FGF14: variants seen among roughly 807,000 people sequenced by gnomAD.
FGF14 encodes fibroblast growth factor 14, also known as fibroblast growth factor homologous factor 4.
Under a neutral mutation model 25.5 loss-of-function variants are expected in FGF14, and 5 were observed. That is an observed-to-expected ratio of 0.20 (90% CI 0.10 to 0.41). The LOEUF is 0.41. Among genes scored for constraint, FGF14 ranks in the 10% least tolerant of loss-of-function variants. FGF14 has a pLI of 1.00. For missense variants in FGF14, 222 were observed against 320.1 expected, an observed-to-expected ratio of 0.69 and a Z score of 2.34; for synonymous variants, 138 against 118.3, an observed-to-expected ratio of 1.17 and a Z score of -1.08.
At chr13:102,327,715 C>G (rs373535256) in intron 1 of FGF14, among the ~76,000 whole-genome samples, 6 of 151,600 alleles carry the variant, frequency 4.0e-5, no homozygotes, top group African/African-American at 1.2e-4. Flanking sequence ...AGTGCATGCC[C>G]GTGGCCCCAG....
At chr13:101,850,965 C>T (rs568325304) in intron 3 of FGF14, among the ~76,000 whole-genome samples, 6 of 151,902 alleles carry the variant, frequency 3.9e-5, no homozygotes, top group African/African-American at 1.4e-4. Context: ...AAATAAGATG[C>T]GCATTATGGA....
At chr13:102,275,234 T>TTCTCTTTCTCTCTCTCTCTCTC (rs1249330049) in intron 1 of FGF14, among the ~76,000 whole-genome samples, 1 of 67,448 alleles carries the variant, frequency 1.5e-5, no homozygotes, top group African/African-American at 6.4e-5. Context: ...TTAGGCAGAT[T>TTCTCTTTCTCTCTCTCTCTCTC]TCTCTCTCTC....
At chr13:101,967,359 T>G (rs1023296415) in intron 1 of FGF14, among the ~76,000 whole-genome samples, 2 of 152,248 alleles carry the variant, frequency 1.3e-5, no homozygotes, top group African/African-American at 4.8e-5. Flanking sequence ...CTTGACTGTT[T>G]TCATAATGTT....
chr13:102,375,652 T>C (rs1463654564), intron 1 of FGF14, among the ~76,000 whole-genome samples: 2 of 152,216 alleles, frequency 1.3e-5, no homozygotes, highest in Non-Finnish European at 2.9e-5. Context: ...TTTTAGGTTA[T>C]ATCTTCCAAA....
intron 3 of FGF14, among the ~76,000 whole-genome samples, chr13:101,769,425 C>T (rs964263993): frequency 6.6e-6 from 1 of 152,070 alleles, no homozygotes; most frequent in African/African-American, 2.4e-5. Context: ...CATTGTCTTA[C>T]TACATGATCC....
intron 1 of FGF14, among the ~76,000 whole-genome samples, chr13:101,885,839 G>T (rs147598974): frequency 1.9e-3 from 283 of 152,224 alleles, no homozygotes; most frequent in African/African-American, 6.4e-3. Flanking sequence ...TGAGGAAACT[G>T]AAAGTCAAAA....
chr13:101,993,059 G>T (rs1566544820), intron 1 of FGF14, among the ~76,000 whole-genome samples: 1 of 151,294 alleles, frequency 6.6e-6, no homozygotes, highest in African/African-American at 2.4e-5. Flanking sequence ...AAGAGAAAGA[G>T]AAAATCTCAA....
At chr13:101,768,131 CTATTATTTTAAA>C (rs1467959000) in intron 3 of FGF14, among the ~76,000 whole-genome samples, 1 of 151,742 alleles carries the variant, frequency 6.6e-6, no homozygotes, top group Non-Finnish European at 1.5e-5. Context: ...GATAAAATAT[CTATTATTTTAAA>C]AATAATACAT....
chr13:101,799,100 T>G (rs2040722877), intron 3 of FGF14, among the ~76,000 whole-genome samples: 1 of 152,178 alleles, frequency 6.6e-6, no homozygotes, highest in East Asian at 1.9e-4. Context: ...GAATTTTTTA[T>G]GCAACATGAG....
At chr13:101,878,872 T>C (rs992427518) in intron 1 of FGF14, among the ~76,000 whole-genome samples, 2 of 151,870 alleles carry the variant, frequency 1.3e-5, no homozygotes, top group Non-Finnish European at 2.9e-5. Context: ...TGTAAAAAAA[T>C]GCTCATTTTT....
chr13:102,034,270 G>T (rs763214273), intron 1 of FGF14, among the ~76,000 whole-genome samples: 1 of 152,150 alleles, frequency 6.6e-6, no homozygotes, highest in Non-Finnish European at 1.5e-5. Context: ...TTACAAGTCA[G>T]CTGGAACACC....
intron 1 of FGF14, among the ~76,000 whole-genome samples, chr13:101,893,326 C>A (rs2030061451): frequency 6.6e-6 from 1 of 152,280 alleles, no homozygotes; most frequent in African/African-American, 2.4e-5. Flanking sequence ...TGTACCATCA[C>A]AATATTCTGC....
intron 3 of FGF14, among the ~76,000 whole-genome samples, chr13:101,765,054 T>C (rs11841203): frequency 0.012 from 1,788 of 152,346 alleles, 33 homozygotes; most frequent in African/African-American, 0.041. Context: ...GGAGCTCTCC[T>C]TGTCCCATTT....
intron 1 of FGF14, among the ~76,000 whole-genome samples, chr13:102,082,200 T>C (rs1440776006): frequency 5.3e-5 from 8 of 151,678 alleles, no homozygotes; most frequent in African/African-American, 1.2e-4. Flanking sequence ...CTGTGAATTA[T>C]TGTGAAATTC....
rs571571467 is a variant in FGF14 at position 102,401,329 on chromosome 13, G to A, written c.208+142C>T. ...ATCCAGCTGTTACTTGTTTATTCATGCAACACCTCTATATGCAACACTGTC... is the reference window on the plus strand; with the variant it reads ...ATCCAGCTGTTACTTGTTTATTCATACAACACCTCTATATGCAACACTGTC... On this transcript the variant is annotated intron_variant, in intron 1 of 4. Transcript: ENST00000376131. 168 of 772,310 alleles carry A rather than the reference G, an allele frequency of 2.2e-4. 6 individuals are homozygous for A. The East Asian group carries it at 4.4e-3, about 20-fold the overall frequency. 47.8% of individuals were successfully genotyped at this position (772,310 alleles called of 1,614,324 possible).
At chr13:101,821,859 A>G (rs188514040) in intron 3 of FGF14, among the ~76,000 whole-genome samples, 2 of 152,142 alleles carry the variant, frequency 1.3e-5, no homozygotes, top group South Asian at 4.1e-4. Context: ...TTATTTGCCC[A>G]TTTTTAAGTA....
chr13:102,107,884 T>C (rs1157351829), intron 1 of FGF14, among the ~76,000 whole-genome samples: 1 of 152,202 alleles, frequency 6.6e-6, no homozygotes, highest in African/African-American at 2.4e-5. Context: ...GAGGGAACTT[T>C]TGCCTTCCTT....
At chr13:101,907,029 T>C (rs1442651224) in intron 1 of FGF14, among the ~76,000 whole-genome samples, 1 of 152,148 alleles carries the variant, frequency 6.6e-6, no homozygotes, top group Non-Finnish European at 1.5e-5. Flanking sequence ...ACTAATATTT[T>C]AGTTTGCCAA....
In FGF14 at chr13:102,198,958, AC is replaced by A. The variant is rs991008053; in HGVS notation, c.208+202512del. Among the ~76,000 whole-genome samples the A allele has an allele frequency of 5.9e-5, 9 of 152,172 alleles. No individual in the cohort carries two copies. The South Asian group carries it at 8.3e-4, about 14-fold the overall frequency. On this transcript the variant is annotated intron_variant, in intron 1 of 4. Coordinates refer to the FGF14 transcript ENST00000376131. ...CTAAAACTACGACTGCCTCAGTGAAACCCCCAATATCCTTATGTCTAAATGT... is the reference window on the plus strand; with the variant it reads ...CTAAAACTACGACTGCCTCAGTGAAACCCCAATATCCTTATGTCTAAATGT...
Sources: gnomAD v4.1 joint callset for allele counts (sites outside exome capture counted in the v4.1 genomes callset) on GRCh38, gnomAD v4.1.1 for gene constraint, MANE v1.5 for transcripts, NCBI Gene and HGNC (gene_info 2026-07-23, HGNC 2026-07-21) for gene names.